LRP1B: variants seen among roughly 807,000 people sequenced by gnomAD.
The protein encoded by LRP1B is low-density lipoprotein receptor-related protein 1B.
A neutral mutation model predicts 556.6 loss-of-function variants in LRP1B; 217 were observed. That is an observed-to-expected ratio of 0.39 (90% CI 0.35 to 0.44). The LOEUF (loss-of-function observed/expected upper bound fraction) is 0.44, where lower values mean the gene tolerates loss of function less well. Among genes scored for constraint, LRP1B ranks in the 20% least tolerant of loss-of-function variants. The probability of loss-of-function intolerance (pLI) is 1.00; values close to 1 mark genes in which losing one functional copy is unlikely to be tolerated. For synonymous variants in LRP1B, 2,047 were observed against 1,865.8 expected (o/e 1.10, Z -2.50); for missense variants, 5,053 against 5,620.8 (o/e 0.90, Z 3.23).
At chr2:140,691,581 C>T (rs908051503) in intron 41 of LRP1B, among the ~76,000 whole-genome samples, 1 of 151,688 alleles carries the variant, frequency 6.6e-6, no homozygotes, top group African/African-American at 2.4e-5. Context: ...AGTTTGAATC[C>T]TAATCACAAA....
intron 1 of LRP1B, among the ~76,000 whole-genome samples, chr2:141,931,002 A>G (rs1025713034): frequency 6.6e-6 from 1 of 151,992 alleles, no homozygotes; most frequent in Non-Finnish European, 1.5e-5. Flanking sequence ...CAGCATGCTG[A>G]TTCTTTTCCC....
At chr2:141,471,376 T>C (rs188970633) in intron 3 of LRP1B, among the ~76,000 whole-genome samples, 3 of 151,686 alleles carry the variant, frequency 2.0e-5, no homozygotes, top group Admixed American at 2.0e-4. Flanking sequence ...CTCCTCTTGG[T>C]CTATTCCTGA....
At chr2:140,597,115 G>A (rs1682472319) in intron 43 of LRP1B, among the ~76,000 whole-genome samples, 1 of 152,134 alleles carries the variant, frequency 6.6e-6, no homozygotes, top group African/African-American at 2.4e-5. Context: ...TGAGGATAAA[G>A]ATGAGGTAAT....
At chr2:140,490,085 C>T (rs928115643) in intron 57 of LRP1B, among the ~76,000 whole-genome samples, 2 of 152,022 alleles carry the variant, frequency 1.3e-5, no homozygotes, top group African/African-American at 4.8e-5. Flanking sequence ...AACTAGTCAT[C>T]CCAGTAGTTT....
chr2:141,181,054 T>A (rs1680969999), intron 7 of LRP1B, among the ~76,000 whole-genome samples: 1 of 151,964 alleles, frequency 6.6e-6, no homozygotes, highest in Admixed American at 6.6e-5. Flanking sequence ...TGTTTTTCAT[T>A]TGTTAATGGT....
At chr2:140,412,534 T>G (rs1157598230) in intron 66 of LRP1B, among the ~76,000 whole-genome samples, 1 of 152,042 alleles carries the variant, frequency 6.6e-6, no homozygotes, top group African/African-American at 2.4e-5. Context: ...CTCTATTGAC[T>G]CACAGCCATC....
chr2:141,883,877 A>G (rs936320459), intron 1 of LRP1B, among the ~76,000 whole-genome samples: 1 of 152,218 alleles, frequency 6.6e-6, no homozygotes, highest in Non-Finnish European at 1.5e-5. Context: ...ACCAGCACCC[A>G]TGAAGAATGT....
intron 72 of LRP1B, among the ~76,000 whole-genome samples, chr2:140,364,231 C>A (rs2105149884): frequency 6.6e-6 from 1 of 151,000 alleles, no homozygotes; most frequent in Non-Finnish European, 1.5e-5. Context: ...TTGATAGATA[C>A]AGAGATATTT....
intron 46 of LRP1B, among the ~76,000 whole-genome samples, chr2:140,535,735 C>A (rs1690924448): frequency 6.6e-6 from 1 of 152,076 alleles, no homozygotes; most frequent in Non-Finnish European, 1.5e-5. Context: ...CATGCAAAGA[C>A]ATATTTCCAG....
At chr2:141,046,575 C>G (rs1698876033) in intron 11 of LRP1B, among the ~76,000 whole-genome samples, 1 of 152,134 alleles carries the variant, frequency 6.6e-6, no homozygotes, top group Admixed American at 6.6e-5. Flanking sequence ...AACCTTCATA[C>G]TGTCAAAGCA....
intron 41 of LRP1B, among the ~76,000 whole-genome samples, chr2:140,629,912 C>A (rs74645087): frequency 0.018 from 2,723 of 152,206 alleles, 46 homozygotes; most frequent in Admixed American, 0.047. Context: ...TTTTTCACTG[C>A]AATCAAACCC....
chr2:141,898,584 T>C (rs1465404343), intron 1 of LRP1B, among the ~76,000 whole-genome samples: 1 of 152,114 alleles, frequency 6.6e-6, no homozygotes, highest in Non-Finnish European at 1.5e-5. Flanking sequence ...ATATGATAGA[T>C]GATGTATTCT....
Position 141,015,827 on chromosome 2 carries a change from G to C in LRP1B, c.2059C>G (p.Gln687Glu), listed in dbSNP as rs894171762. 1 of 1,613,502 alleles carries C rather than the reference G, an allele frequency of 6.2e-7. No individual in the cohort carries two copies. Among genetic ancestry groups the C allele is most frequent in the South Asian group, 1.1e-5 (1 of 91,072 alleles). ...AGCATCTTTGAAGTCACAAAAATCT[G>C]CCGATTGAATCCATCCATCCAGGCC... Reference protein sequence around the residue: ...EKAWMDGFNRQIFVTSKMLWP... With the variant: ...EKAWMDGFNREIFVTSKMLWP... Residue 687 changes from glutamine (Q) to glutamate (E), a missense_variant, in exon 13 of 91, where the codon CAG (glutamine) becomes GAG (glutamate). Coordinates refer to ENST00000389484, the MANE Select transcript of LRP1B (RefSeq NM_018557.3).
chr2:141,653,042 G>A (rs1243598074), intron 2 of LRP1B, among the ~76,000 whole-genome samples: 2 of 152,108 alleles, frequency 1.3e-5, no homozygotes, highest in African/African-American at 4.8e-5. Context: ...AACTTGGAAG[G>A]CTTTAATCAG....
chr2:140,709,306 C>G (rs1326114137), intron 37 of LRP1B, among the ~76,000 whole-genome samples: 1 of 151,970 alleles, frequency 6.6e-6, no homozygotes, highest in East Asian at 1.9e-4. Context: ...ATGGGGCTTC[C>G]TATACATCTT....
chr2:141,037,395 C>A (rs983332795), intron 11 of LRP1B, among the ~76,000 whole-genome samples: 1 of 152,058 alleles, frequency 6.6e-6, no homozygotes, highest in African/African-American at 2.4e-5. Flanking sequence ...TGGAGGGATA[C>A]TTTTCACCTC....
At chr2:141,634,532 TTCTTAA>T (rs1400725947) in intron 2 of LRP1B, among the ~76,000 whole-genome samples, 6 of 152,112 alleles carry the variant, frequency 3.9e-5, no homozygotes, top group Middle Eastern at 3.4e-3. Flanking sequence ...AACTAAAGAC[TTCTTAA>T]TCTTAATCTA....
chr2:140,305,486 T>G (rs1286743385), intron 83 of LRP1B, among the ~76,000 whole-genome samples: 2 of 152,182 alleles, frequency 1.3e-5, no homozygotes, highest in African/African-American at 4.8e-5. Context: ...TGCTTGTGAT[T>G]TTTGCACATT....
intron 6 of LRP1B, among the ~76,000 whole-genome samples, chr2:141,196,228 G>A (rs1681744495): frequency 1.3e-5 from 2 of 151,898 alleles, no homozygotes; most frequent in South Asian, 4.1e-4. Flanking sequence ...GTAAAAAATA[G>A]CAGTGTCCAC....
Sources: allele counts gnomAD v4.1 joint callset (sites outside exome capture counted in the v4.1 genomes callset), GRCh38; gene constraint gnomAD v4.1.1; transcripts MANE v1.5; gene names NCBI Gene and HGNC (gene_info 2026-07-23, HGNC 2026-07-21).